The following FERMT2 variants were observed in gnomAD, a reference collection of about 807,000 sequenced individuals.
FERMT2 encodes the protein fermitin family homolog 2.
Under a neutral mutation model 82.7 loss-of-function variants are expected in FERMT2, and 15 were observed. That is an observed-to-expected ratio of 0.18 (90% CI 0.12 to 0.28). The LOEUF (loss-of-function observed/expected upper bound fraction) is 0.28. Among genes scored for constraint, FERMT2 ranks in the 10% least tolerant of loss-of-function variants. The pLI is 1.00. For missense variants in FERMT2, 645 were observed against 809.4 expected (o/e 0.80, Z 2.46); for synonymous variants, 274 against 271.5 (o/e 1.01, Z -0.09).
chr14:52,918,386 T>C (rs1385665402), intron 3 of FERMT2, among the ~76,000 whole-genome samples: 1 of 152,234 alleles, frequency 6.6e-6, no homozygotes, highest in Non-Finnish European at 1.5e-5. Flanking sequence ...TATGTCTATA[T>C]TCATTGATTC....
chr14:52,917,562 T>A (rs11624016), intron 3 of FERMT2, among the ~76,000 whole-genome samples: 82,965 of 151,932 alleles, frequency 0.55, 23,341 homozygotes, highest in East Asian at 0.74. Flanking sequence ...TCAAGGGCAT[T>A]AGATCAAAAA....
intron 3 of FERMT2, among the ~76,000 whole-genome samples, chr14:52,897,463 C>T (rs534094957): frequency 6.6e-6 from 1 of 152,100 alleles, no homozygotes; most frequent in African/African-American, 2.4e-5. Flanking sequence ...TATATATTTT[C>T]TTCCTTTTCT....
rs111580209 is a variant in FERMT2 at position 52,873,053 on chromosome 14, G to A, written c.1149-130C>T. The A allele has an allele frequency of 3.2e-3, 2,650 of 835,288 alleles. 39 individuals are homozygous for A. The African/African-American group carries it at 0.039, about 12-fold the overall frequency. 51.7% of individuals were successfully genotyped at this position (835,288 alleles called of 1,614,324 possible). On this transcript the variant is annotated intron_variant, in intron 9 of 14. Transcript: ENST00000341590. ...ACACGTGCTGAAATTGATCCCCCTT[G>A]GTCAGCGTCTTATTAGTCAGTGCTA...
intron 1 of FERMT2, 112 bp from the exon 2 acceptor site, chr14:52,950,689 C>A: frequency 9.1e-7 from 1 of 1,097,622 alleles, no homozygotes; most frequent in Non-Finnish European, 1.3e-6. Flanking sequence ...GGACCCGGGG[C>A]TTTCGGCAGA....
In FERMT2 at chr14:52,920,041, T is replaced by G. The variant is rs112270568; in HGVS notation, c.158-685A>C. 6.3e-3 allele frequency among the ~76,000 whole-genome samples: 961 copies of G among 152,290 alleles called. 15 individuals are homozygous for G. The highest frequency in any genetic ancestry group is 0.022 in the African/African-American group (921 of 41,536). The stretch of plus-strand genomic sequence containing the variant: ...TTTGGTACAAGTATAACAGGAAACA[T>G]TAATATCTGTTCAACTATTTAACAG... On this transcript the variant is annotated intron_variant, in intron 2 of 14. Transcript: ENST00000341590.
Position 52,923,131 on chromosome 14 carries a change from C to T in FERMT2, c.158-3775G>A, listed in dbSNP as rs951796517. Among the ~76,000 whole-genome samples the T allele has an allele frequency of 3.1e-4, 47 of 151,728 alleles. 1 individual carries two copies. The highest frequency in any genetic ancestry group is 3.4e-3 in the Middle Eastern group (1 of 294). On this transcript the variant is annotated intron_variant, in intron 2 of 14. Transcript: ENST00000341590. The stretch of plus-strand genomic sequence containing the variant: ...AGGTATTATTAATCTTATGGGACCA[C>T]GGTTGTATAGTCTGCTGTAGTTGAC...
intron 4 of FERMT2, among the ~76,000 whole-genome samples, chr14:52,893,015 T>C (rs79458274): frequency 1.3e-5 from 2 of 152,152 alleles, no homozygotes; most frequent in Admixed American, 1.3e-4. Context: ...ATGTTTTTTT[T>C]GAGACGGAGT....
At chr14:52,892,691 C>T (rs1267754124) in intron 4 of FERMT2, among the ~76,000 whole-genome samples, 3 of 149,342 alleles carry the variant, frequency 2.0e-5, no homozygotes, top group African/African-American at 7.4e-5. Context: ...TCTCTGACCT[C>T]GTGATCCACC....
At chr14:52,939,072 TGGCTG>T (rs1399832973) in intron 2 of FERMT2, among the ~76,000 whole-genome samples, 1 of 151,470 alleles carries the variant, frequency 6.6e-6, no homozygotes, top group African/African-American at 2.4e-5. Flanking sequence ...ATTTGGCTTC[TGGCTG>T]GGTGTGGTGG....
At position 52,912,755 on chromosome 14, in the gene FERMT2, C is replaced by T. The variant is rs145483688; in HGVS notation, c.391+6368G>A. Among the ~76,000 whole-genome samples the T allele has an allele frequency of 3.3e-3, 500 of 152,276 alleles. 2 individuals carry two copies. Among genetic ancestry groups the T allele is most frequent in the African/African-American group, 0.012 (484 of 41,542 alleles). The stretch of plus-strand genomic sequence containing the variant: ...GAACTCCTGGCCTCAAGTGATCTGC[C>T]TGCCTTGGCCTCCCAAAGCGCTGGG... On this transcript the variant is annotated intron_variant, in intron 3 of 14. Transcript: ENST00000341590.
intron 2 of FERMT2, among the ~76,000 whole-genome samples, chr14:52,929,831 G>A (rs117872506): frequency 0.012 from 1,801 of 152,254 alleles, 54 homozygotes; most frequent in East Asian, 0.075. Flanking sequence ...GGGTGGGGGA[G>A]GAGGGTGCTA....
At chr14:52,936,915 G>T (rs1413006960) in intron 2 of FERMT2, among the ~76,000 whole-genome samples, 18 of 152,104 alleles carry the variant, frequency 1.2e-4, no homozygotes. Flanking sequence ...AACACTCTGG[G>T]AGGCTGAGGT....
chr14:52,921,299 G>A lies in FERMT2; in HGVS notation c.158-1943C>T, dbSNP rs1042323377. 2.0e-5 allele frequency among the ~76,000 whole-genome samples: 3 copies of A among 152,138 alleles called. No homozygotes were observed. The East Asian group carries it at 5.8e-4, about 29-fold the overall frequency. ...TTTTAATCAATAAGTATTTTAATGG[G>A]AGAATTACGGCTACAGCTACTTGTG... On this transcript the variant is annotated intron_variant, in intron 2 of 14. Transcript: ENST00000341590.
rs71125150 is a variant in FERMT2, at chr14:52,927,592, TAAAAAAAA to T, written c.158-8244_158-8237del. ...GCAACATAGCAAAACCTCATCCCTATAAAAAAAAAAAAAAAAAAAAAAAAAAAAAAATC... is the reference window on the plus strand; with the variant it reads ...GCAACATAGCAAAACCTCATCCCTATAAAAAAAAAAAAAAAAAAAAAAATC... On this transcript the variant is annotated intron_variant, in intron 2 of 14. Transcript: ENST00000341590. Among the ~76,000 whole-genome samples the T allele has an allele frequency of 4.7e-3, 158 of 33,730 alleles. 3 individuals carry two copies. The highest frequency in any genetic ancestry group is 0.018 in the African/African-American group (139 of 7,854). 22.1% of individuals were successfully genotyped at this position (33,730 alleles called of 152,430 possible). A position where few individuals can be genotyped will look rare whatever the true frequency, so the allele number is the denominator to read the frequency against.
chr14:52,894,351 CAAATT>C (rs1887131448), intron 3 of FERMT2, among the ~76,000 whole-genome samples: 1 of 152,160 alleles, frequency 6.6e-6, no homozygotes, highest in Non-Finnish European at 1.5e-5. Context: ...CAATTCTCCT[CAAATT>C]AAGCTAAAGA....
chr14:52,902,459 G>A (rs1887710420), intron 3 of FERMT2, among the ~76,000 whole-genome samples: 2 of 151,892 alleles, frequency 1.3e-5, no homozygotes, highest in South Asian at 4.2e-4. Flanking sequence ...AACAGAGGGG[G>A]AAGGGTCCTT....
chr14:52,911,491 T>TA (rs1489665639), intron 3 of FERMT2, among the ~76,000 whole-genome samples: 4 of 151,482 alleles, frequency 2.6e-5, no homozygotes, highest in Non-Finnish European at 5.9e-5. Flanking sequence ...CTCTACTAAA[T>TA]AAACAAAAAA....
At chr14:52,932,882 C>A (rs1268602300) in intron 2 of FERMT2, among the ~76,000 whole-genome samples, 3 of 152,126 alleles carry the variant, frequency 2.0e-5, no homozygotes, top group African/African-American at 7.2e-5. Flanking sequence ...CAGGACCTAA[C>A]TGAAGTTTTT....
chr14:52,860,996 TA>T, intron 12 of FERMT2: 1 of 1,510,698 alleles, frequency 6.6e-7, no homozygotes, highest in Non-Finnish European at 8.9e-7. Context: ...TCTTTTGTGG[TA>T]AATATGGAGA....
Sources: gnomAD v4.1 joint callset for allele counts (sites outside exome capture counted in the v4.1 genomes callset) on GRCh38, gnomAD v4.1.1 for gene constraint, MANE v1.5 for transcripts, NCBI Gene and HGNC (gene_info 2026-07-23, HGNC 2026-07-21) for gene names.